The following SGK1 variants were observed in gnomAD, a reference collection of about 807,000 sequenced individuals.
SGK1 encodes serine/threonine-protein kinase Sgk1.
Under a neutral mutation model 64.2 loss-of-function variants are expected in SGK1, and 26 were observed. The observed-to-expected ratio is 0.40, with a 90% CI of 0.30 to 0.56. The LOEUF is 0.56. Ranked by LOEUF, SGK1 falls within the 20% of genes least tolerant of loss-of-function variation. The probability of loss-of-function intolerance (pLI) is 0.38; values close to 1 mark genes in which losing one functional copy is unlikely to be tolerated. For missense variants in SGK1, 519 were observed against 645.6 expected (o/e 0.80, Z 2.12); for synonymous variants, 265 against 239.7 (o/e 1.11, Z -0.98).
chr6:134,183,474 A>T (rs1775363330), intron 3 of SGK1, among the ~76,000 whole-genome samples: 1 of 152,200 alleles, frequency 6.6e-6, no homozygotes, highest in African/African-American at 2.4e-5. Context: ...TAAGCCCTGA[A>T]TCTAACAAGG....
intron 1 of SGK1, among the ~76,000 whole-genome samples, chr6:134,305,416 TAC>T (rs1036291763): frequency 5.9e-5 from 5 of 84,062 alleles, no homozygotes; most frequent in African/African-American, 1.4e-4. Context: ...CTACTAAAAA[TAC>T]AAAAATTAGC....
At chr6:134,184,561 G>A (rs1344323842) in intron 3 of SGK1, among the ~76,000 whole-genome samples, 2 of 149,706 alleles carry the variant, frequency 1.3e-5, no homozygotes, top group African/African-American at 4.9e-5. Flanking sequence ...AAAGTAGCCA[G>A]CAGCTGACCT....
chr6:134,221,044 C>G (rs1413117061), intron 2 of SGK1, among the ~76,000 whole-genome samples: 1 of 151,466 alleles, frequency 6.6e-6, no homozygotes, highest in Non-Finnish European at 1.5e-5. Context: ...TGGCTCATGC[C>G]TGTAATCCCA....
At chr6:134,314,353 G>C (rs9493898) in intron 1 of SGK1, among the ~76,000 whole-genome samples, 17,984 of 151,452 alleles carry the variant, frequency 0.12, 1,244 homozygotes, top group East Asian at 0.27. Context: ...GTTGGGGGAG[G>C]GGGGTAGGGG....
chr6:134,308,835 G>A (rs1777571403), intron 1 of SGK1, among the ~76,000 whole-genome samples: 1 of 152,154 alleles, frequency 6.6e-6, no homozygotes, highest in Admixed American at 6.5e-5. Flanking sequence ...AGGATTACAG[G>A]CGTTTGCTAC....
intron 3 of SGK1, among the ~76,000 whole-genome samples, chr6:134,185,686 G>A (rs1775411718): frequency 6.6e-6 from 1 of 151,836 alleles, no homozygotes; most frequent in South Asian, 2.1e-4. Context: ...GATTTATTAG[G>A]GGAATTGGCT....
At chr6:134,314,777 C>T (rs1266840801) in intron 1 of SGK1, among the ~76,000 whole-genome samples, 1 of 148,342 alleles carries the variant, frequency 6.7e-6, no homozygotes, top group East Asian at 2.1e-4. Context: ...TTAATTAGCC[C>T]TAATAGACCC....
At chr6:134,290,168 A>T (rs1348447997) in intron 1 of SGK1, among the ~76,000 whole-genome samples, 1 of 150,764 alleles carries the variant, frequency 6.6e-6, no homozygotes, top group African/African-American at 2.4e-5. Context: ...AAAAAAAAAA[A>T]AAAAAATTAG....
In SGK1 at chr6:134,272,781, C is replaced by T. The variant is rs946736819; in HGVS notation, c.70-10633G>A. Among the ~76,000 whole-genome samples, 3 of 147,934 alleles carry T rather than the reference C, an allele frequency of 2.0e-5. 1 individual carries two copies. Among genetic ancestry groups the T allele is most frequent in the Admixed American group, 6.9e-5 (1 of 14,452 alleles). ...TGCTTAATATTTGCAAGGACTAAAG[C>T]GAAGAACATAATAACAAAAGTCTCA... On this transcript the variant is annotated intron_variant, in intron 1 of 13. Transcript: ENST00000367858.
intron 3 of SGK1, among the ~76,000 whole-genome samples, chr6:134,181,110 C>T (rs1775324628): frequency 1.3e-5 from 2 of 152,152 alleles, no homozygotes; most frequent in African/African-American, 4.8e-5. Flanking sequence ...ATCTACTTCC[C>T]CCACAAGTCC....
chr6:134,263,558 T>C (rs898199180), intron 1 of SGK1, among the ~76,000 whole-genome samples: 1 of 152,152 alleles, frequency 6.6e-6, no homozygotes, highest in African/African-American at 2.4e-5. Flanking sequence ...ACTTTGATTA[T>C]AAAAGAAATT....
chr6:134,186,223 C>T (rs1331919524), intron 3 of SGK1, among the ~76,000 whole-genome samples: 1 of 152,180 alleles, frequency 6.6e-6, no homozygotes, highest in East Asian at 1.9e-4. Context: ...ATAATTCTAC[C>T]TAATATAATG....
chr6:134,262,074 G>A lies in SGK1; in HGVS notation c.144C>T (p.Ser48=), dbSNP rs1776774819. The change falls in exon 2 of 14, where the codon TCC becomes TCT. Residue 48 remains serine, a synonymous_variant. Transcript: ENST00000367858. The part of the protein sequence containing the change: ...HQSPSLKYTG[S]SMVHIPPGEP... ...CCCCTGGAGGGATGTGCACCATGGA[G>A]GAGCCGGTGTACTTCAGGCTGGGAC... The A allele has an allele frequency of 6.2e-7, 1 of 1,613,712 alleles. No homozygotes were observed. Among genetic ancestry groups the A allele is most frequent in the African/African-American group, 1.3e-5 (1 of 75,052 alleles).
chr6:134,273,672 T>C (rs1168978069), intron 1 of SGK1, among the ~76,000 whole-genome samples: 2 of 138,344 alleles, frequency 1.4e-5, no homozygotes, highest in Non-Finnish European at 3.1e-5. Flanking sequence ...ATATTTCTAG[T>C]AGAGGGGATG....
chr6:134,245,027 T>C (rs1452843577), intron 2 of SGK1, among the ~76,000 whole-genome samples: 1 of 152,148 alleles, frequency 6.6e-6, no homozygotes, highest in Admixed American at 6.5e-5. Context: ...CCACCCGCCT[T>C]GGCCTCCCAA....
In SGK1 at chr6:134,243,772, A is replaced by C. The variant is rs544693778; in HGVS notation, c.285+18161T>G. On this transcript the variant is annotated intron_variant, in intron 2 of 13. Transcript: ENST00000367858. ...CTGCACTAATGAATTATACTGCCTGACTTATTCCCAGGAAGCTCTAGATGT... is the reference window on the plus strand; with the variant it reads ...CTGCACTAATGAATTATACTGCCTGCCTTATTCCCAGGAAGCTCTAGATGT... 1.5e-4 allele frequency among the ~76,000 whole-genome samples: 23 copies of C among 152,306 alleles called. No homozygotes were observed. The South Asian group carries it at 3.7e-3, about 25-fold the overall frequency.
intron 3 of SGK1, among the ~76,000 whole-genome samples, chr6:134,203,423 A>G (rs955675997): frequency 3.3e-5 from 5 of 152,226 alleles, no homozygotes; most frequent in Non-Finnish European, 5.9e-5. Flanking sequence ...GAGAAGGGAC[A>G]TATAGAAAAC....
At position 134,174,491 on chromosome 6, in the gene SGK1, T is replaced by C; in HGVS notation, c.437+20A>G. ...AATTCAAACTATACTAGTTATTTCC[T>C]CAAATCCGGTCAAACTTACTGTTTG... On this transcript the variant is annotated intron_variant, in intron 4 of 13. Transcript: ENST00000367858. 6.3e-7 allele frequency: 1 copy of C among 1,593,868 alleles called. No individual in the cohort carries two copies. The highest frequency in any genetic ancestry group is 1.1e-5 in the South Asian group (1 of 90,610).
intron 3 of SGK1, among the ~76,000 whole-genome samples, chr6:134,182,189 T>C (rs1775341930): frequency 6.6e-6 from 1 of 152,184 alleles, no homozygotes; most frequent in African/African-American, 2.4e-5. Flanking sequence ...AGGTATTCTC[T>C]AACCCTTAAT....
Sources: gnomAD v4.1 joint callset for allele counts (sites outside exome capture counted in the v4.1 genomes callset) on GRCh38, gnomAD v4.1.1 for gene constraint, MANE v1.5 for transcripts, NCBI Gene and HGNC (gene_info 2026-07-23, HGNC 2026-07-21) for gene names.